Variants in HTR2C observed in about 807,000 individuals in gnomAD.
HTR2C encodes 5-hydroxytryptamine receptor 2C, also known as 5-hydroxytryptamine (serotonin) receptor 2C, G protein-coupled.
A neutral mutation model predicts 21.0 loss-of-function variants in HTR2C; 5 were observed. The observed-to-expected ratio is 0.24, with a 90% confidence interval of 0.12 to 0.50. The LOEUF is 0.50. Ranked by LOEUF, HTR2C falls within the 20% of genes least tolerant of loss-of-function variation. HTR2C has a pLI of 0.98. For missense variants in HTR2C, 271 were observed against 371.2 expected (o/e 0.73, Z 2.22); for synonymous variants, 150 against 145.3 (o/e 1.03, Z -0.23).
intron 2 of HTR2C, among the ~76,000 whole-genome samples, chrX:114,622,665 G>C (rs1285534661): frequency 2.7e-5 from 3 of 111,998 alleles, no homozygotes; most frequent in Non-Finnish European, 5.6e-5. Flanking sequence ...GATGAGGAAA[G>C]AGAGGCTTGG....
intron 2 of HTR2C, among the ~76,000 whole-genome samples, chrX:114,665,231 CCTGTTTTCAGGAAAAACTGAT>C (rs1220553865): frequency 8.9e-6 from 1 of 111,811 alleles, no homozygotes; most frequent in African/African-American, 3.2e-5. Flanking sequence ...TTGGAAGTAT[CCTGTTTTCAGGAAAAACTGAT>C]CTGTTTCAGG....
intron 3 of HTR2C, among the ~76,000 whole-genome samples, chrX:114,727,617 G>A (rs1449461002): frequency 8.9e-6 from 1 of 111,795 alleles, no homozygotes; most frequent in East Asian, 2.8e-4. Flanking sequence ...ACGAAGCATA[G>A]AAAAAAATGA....
intron 4 of HTR2C, among the ~76,000 whole-genome samples, chrX:114,762,552 G>A (rs189190731): frequency 8.9e-6 from 1 of 111,770 alleles, no homozygotes; most frequent in East Asian, 2.8e-4. Flanking sequence ...ATTTTCTTGT[G>A]TGTATAAAGG....
chrX:114,691,536 A>G (rs1197054219), intron 2 of HTR2C, among the ~76,000 whole-genome samples: 1 of 111,721 alleles, frequency 9.0e-6, no homozygotes, highest in African/African-American at 3.2e-5. Context: ...TTTTGATTAT[A>G]TTCTCTACCA....
chrX:114,677,155 A>G (rs1233944882), intron 2 of HTR2C, among the ~76,000 whole-genome samples: 2 of 111,750 alleles, frequency 1.8e-5, no homozygotes, highest in South Asian at 3.7e-4. Context: ...TTTAAGATCT[A>G]AAGAGTTTGG....
intron 5 of HTR2C, among the ~76,000 whole-genome samples, chrX:114,864,134 G>A (rs782546702): frequency 9.1e-6 from 1 of 109,297 alleles, no homozygotes; most frequent in African/African-American, 3.3e-5. Context: ...TACATTCAAG[G>A]TTATTATTGA....
intron 2 of HTR2C, among the ~76,000 whole-genome samples, chrX:114,688,093 G>A (rs1250372715): frequency 1.8e-5 from 2 of 110,541 alleles, no homozygotes; most frequent in African/African-American, 6.6e-5. Context: ...GGCTGAGGCA[G>A]GTTGATCACC....
At chrX:114,737,776 C>T (rs1222033260) in intron 4 of HTR2C, among the ~76,000 whole-genome samples, 1 of 111,393 alleles carries the variant, frequency 9.0e-6, no homozygotes, top group Non-Finnish European at 1.9e-5. Context: ...GGAAACAGAC[C>T]AATTTCAGTA....
intron 4 of HTR2C, among the ~76,000 whole-genome samples, chrX:114,800,560 G>A (rs1253128182): frequency 9.0e-6 from 1 of 111,103 alleles, no homozygotes; most frequent in Non-Finnish European, 1.9e-5. Flanking sequence ...TTAATTCATT[G>A]GCACTTCTTT....
rs1411395120 is a variant in HTR2C at position 114,644,362 on chromosome X, A to AATAAAT, written c.-80+30484_-80+30485insAATATA. Among the ~76,000 whole-genome samples the AATAAAT allele has an allele frequency of 4.4e-3, 169 of 38,202 alleles. 2 individuals carry two copies. The highest frequency in any genetic ancestry group is 5.6e-3 in the East Asian group (7 of 1,245). The allele number at this position is 38,202 out of a possible 115,157, so 33.2% of individuals were successfully genotyped here. On this transcript the variant is annotated intron_variant, in intron 2 of 5. Coordinates refer to ENST00000276198, the MANE Select transcript of HTR2C (RefSeq NM_000868.4). ...TCCATCTAAAATAAATAAATAAATAAATATATATATATATATATATATATA... is the reference window on the plus strand; with the variant it reads ...TCCATCTAAAATAAATAAATAAATAAATAAATATATATATATATATATATATATATA...
intron 5 of HTR2C, among the ~76,000 whole-genome samples, chrX:114,905,420 C>T (rs2071364476): frequency 8.9e-6 from 1 of 111,784 alleles, no homozygotes; most frequent in African/African-American, 3.3e-5. Context: ...CCCTCTTGAT[C>T]ATCCAGCCAG....
At chrX:114,806,393 CTG>C (rs782431940) in intron 4 of HTR2C, among the ~76,000 whole-genome samples, 45,882 of 60,614 alleles carry the variant, frequency 0.76, 16,939 homozygotes, top group East Asian at 0.97. Flanking sequence ...TATATATATA[CTG>C]TATATATATA....
intron 2 of HTR2C, among the ~76,000 whole-genome samples, chrX:114,683,266 T>C (rs1489115695): frequency 2.7e-5 from 3 of 112,158 alleles, no homozygotes; most frequent in African/African-American, 9.7e-5. Flanking sequence ...AGGATAGACA[T>C]AACTTATCCT....
chrX:114,804,153 G>C (rs146662755), intron 4 of HTR2C, among the ~76,000 whole-genome samples: 1,201 of 111,379 alleles, frequency 0.011, 17 homozygotes, highest in African/African-American at 0.036. Context: ...ATGAACGAGG[G>C]GACAGTTCCA....
chrX:114,737,193 G>T (rs1556424587), intron 4 of HTR2C, among the ~76,000 whole-genome samples: 1 of 107,731 alleles, frequency 9.3e-6, no homozygotes, highest in East Asian at 2.9e-4. Context: ...ACCTAATCAA[G>T]AAATTAAACT....
intron 4 of HTR2C, among the ~76,000 whole-genome samples, chrX:114,837,958 A>G (rs1177728580): frequency 9.0e-6 from 1 of 111,663 alleles, no homozygotes; most frequent in Non-Finnish European, 1.9e-5. Context: ...CTTCATTATT[A>G]AAATTTTAAT....
intron 2 of HTR2C, among the ~76,000 whole-genome samples, chrX:114,699,704 A>G (rs1932398336): frequency 8.9e-6 from 1 of 112,160 alleles, no homozygotes; most frequent in Admixed American, 9.5e-5. Flanking sequence ...TGCCACTTCA[A>G]TGGAAAGCAA....
At chrX:114,639,824 C>A (rs781801676) in intron 2 of HTR2C, among the ~76,000 whole-genome samples, 11 of 111,338 alleles carry the variant, frequency 9.9e-5, no homozygotes, top group African/African-American at 3.6e-4. Context: ...TGTATTTAAC[C>A]TTGTGTAATG....
chrX:114,637,900 T>C (rs1258880694), intron 2 of HTR2C, among the ~76,000 whole-genome samples: 1 of 111,087 alleles, frequency 9.0e-6, no homozygotes, highest in African/African-American at 3.3e-5. Context: ...GGAGAGTGAG[T>C]GTAAACCTAA....
Sources: gnomAD v4.1 joint callset for allele counts (sites outside exome capture counted in the v4.1 genomes callset) on GRCh38, gnomAD v4.1.1 for gene constraint, MANE v1.5 for transcripts, NCBI Gene and HGNC (gene_info 2026-07-23, HGNC 2026-07-21) for gene names.